The following CHSY3 variants were observed in gnomAD, a reference collection of about 807,000 sequenced individuals.
The protein encoded by CHSY3 is N-acetylgalactosaminyl-proteoglycan 3-beta-glucuronosyltransferase 3.
Under a neutral mutation model 67.2 loss-of-function variants are expected in CHSY3, and 35 were observed. The observed-to-expected ratio is 0.52, with a 90% CI of 0.40 to 0.69. The LOEUF (loss-of-function observed/expected upper bound fraction) is 0.69. Ranked by LOEUF, CHSY3 falls within the 30% of genes least tolerant of loss-of-function variation. The pLI, the probability that CHSY3 is intolerant of heterozygous loss-of-function variation, is 0.00. For synonymous variants in CHSY3, 474 were observed against 434.7 expected (o/e 1.09, Z -1.12); for missense variants, 1,069 against 1,138.5 (o/e 0.94, Z 0.88).
At chr5:129,978,190 T>C (rs1376542535) in intron 2 of CHSY3, among the ~76,000 whole-genome samples, 1 of 152,216 alleles carries the variant, frequency 6.6e-6, no homozygotes, top group Non-Finnish European at 1.5e-5. Context: ...GTTGGCATTT[T>C]GGTTATATTT....
chr5:130,062,504 A>G (rs193181817), intron 2 of CHSY3, among the ~76,000 whole-genome samples: 71 of 152,272 alleles, frequency 4.7e-4, no homozygotes, highest in African/African-American at 1.6e-3. Context: ...TCAGTACGCA[A>G]TATACGCATG....
At chr5:130,027,061 T>C (rs1764567412) in intron 2 of CHSY3, among the ~76,000 whole-genome samples, 1 of 152,092 alleles carries the variant, frequency 6.6e-6, no homozygotes, top group African/African-American at 2.4e-5. Context: ...GAACACTGAC[T>C]AAATTTGTGC....
chr5:130,103,377 A>G (rs1767309691), intron 2 of CHSY3, among the ~76,000 whole-genome samples: 3 of 152,096 alleles, frequency 2.0e-5, no homozygotes, highest in Non-Finnish European at 4.4e-5. Flanking sequence ...CTTCTGTGGC[A>G]TTGTACCACA....
intron 2 of CHSY3, among the ~76,000 whole-genome samples, chr5:130,082,535 A>G (rs1766476996): frequency 6.6e-6 from 1 of 152,024 alleles, no homozygotes. Flanking sequence ...TTCCTCTTAT[A>G]TTATTGCAAG....
rs150745087 is a variant in CHSY3, at chr5:129,934,838, G to A, written c.1086+26478G>A. On this transcript the variant is annotated intron_variant, in intron 2 of 2. Coordinates refer to ENST00000305031, the MANE Select transcript of CHSY3 (RefSeq NM_175856.5). ...AAAACAGGTTGCTTTATTAAAAGGC[G>A]TAGGTCTCACTGAGAGGGACTTTGC... Among the ~76,000 whole-genome samples the A allele has an allele frequency of 2.1e-3, 324 of 152,286 alleles. 3 individuals are homozygous for A. Among genetic ancestry groups the A allele is most frequent in the Middle Eastern group, 6.8e-3 (2 of 294 alleles).
chr5:130,166,206 ATTTAT>A (rs990231007), intron 2 of CHSY3, among the ~76,000 whole-genome samples: 6 of 152,132 alleles, frequency 3.9e-5, no homozygotes, highest in African/African-American at 9.6e-5. Flanking sequence ...AAAATAATTC[ATTTAT>A]TTTATTTTAT....
intron 2 of CHSY3, among the ~76,000 whole-genome samples, chr5:130,085,497 T>C (rs568078852): frequency 7.2e-5 from 11 of 152,234 alleles, no homozygotes; most frequent in African/African-American, 2.6e-4. Context: ...GATTCTTCTC[T>C]CTTTTCTTCT....
At chr5:130,031,681 C>T (rs924860856) in intron 2 of CHSY3, among the ~76,000 whole-genome samples, 2 of 152,024 alleles carry the variant, frequency 1.3e-5, no homozygotes, top group Non-Finnish European at 1.5e-5. Context: ...TATTTGTAAG[C>T]CATGCAAGGT....
Position 129,905,020 on chromosome 5 carries a change from C to T in CHSY3, c.191C>T (p.Pro64Leu), listed in dbSNP as rs549506803. 73 of 1,563,460 alleles carry T rather than the reference C, an allele frequency of 4.7e-5. 1 individual carries two copies. The South Asian group carries it at 8.0e-4, about 17-fold the overall frequency. The change falls in exon 1 of 3, where the codon CCC (proline) becomes CTC (leucine). Residue 64 changes from proline to leucine, a missense_variant. By Grantham distance (98) the Pro-to-Leu change is moderately conservative. This residue lies in a region of CHSY3 where 309 missense variants were observed against 262.5 expected (regional missense o/e 1.18). Coordinates refer to ENST00000305031, the MANE Select transcript of CHSY3 (RefSeq NM_175856.5). Reference protein sequence around the residue: ...GPRAGAQQPLPQPQSRPRQEQ... With the variant: ...GPRAGAQQPLLQPQSRPRQEQ... ...CGCGCCGGCGCTCAGCAGCCGCTCC[C>T]CCAGCCCCAGTCCCGACCACGGCAG... is the stretch of plus-strand genomic sequence containing the variant.
chr5:130,066,437 T>C (rs1765888727), intron 2 of CHSY3, among the ~76,000 whole-genome samples: 1 of 152,100 alleles, frequency 6.6e-6, no homozygotes, highest in South Asian at 2.1e-4. Flanking sequence ...AGTAGCAGGA[T>C]GGAATTTGAA....
At chr5:130,037,670 T>C (rs1764897570) in intron 2 of CHSY3, among the ~76,000 whole-genome samples, 1 of 152,046 alleles carries the variant, frequency 6.6e-6, no homozygotes, top group Admixed American at 6.6e-5. Flanking sequence ...ACTATGTTTT[T>C]AGAATTTTTA....
At chr5:129,954,803 G>A (rs1172284067) in intron 2 of CHSY3, among the ~76,000 whole-genome samples, 1 of 152,098 alleles carries the variant, frequency 6.6e-6, no homozygotes. Context: ...GTATAGGAAT[G>A]CTTGTGATTT....
intron 2 of CHSY3, among the ~76,000 whole-genome samples, chr5:130,148,650 T>C (rs1003367904): frequency 6.6e-6 from 1 of 152,202 alleles, no homozygotes; most frequent in East Asian, 1.9e-4. Context: ...TGATCAGTGA[T>C]GTTGTTGAGC....
intron 2 of CHSY3, among the ~76,000 whole-genome samples, chr5:129,933,349 G>A (rs1761379550): frequency 6.6e-6 from 1 of 152,118 alleles, no homozygotes; most frequent in African/African-American, 2.4e-5. Context: ...GGCTTAGTCA[G>A]CATGACAGCT....
intron 2 of CHSY3, among the ~76,000 whole-genome samples, chr5:130,006,173 T>C (rs1763867076): frequency 6.6e-6 from 1 of 152,178 alleles, no homozygotes; most frequent in African/African-American, 2.4e-5. Context: ...GCATAGAACC[T>C]TGTTTCAACA....
chr5:130,113,978 T>C (rs1291542531), intron 2 of CHSY3, among the ~76,000 whole-genome samples: 1 of 152,220 alleles, frequency 6.6e-6, no homozygotes, highest in Non-Finnish European at 1.5e-5. Context: ...AAAATGATAC[T>C]ACTTTTCTGC....
intron 2 of CHSY3, among the ~76,000 whole-genome samples, chr5:129,918,993 G>C (rs1203532022): frequency 1.3e-5 from 2 of 148,294 alleles, no homozygotes; most frequent in African/African-American, 5.0e-5. Flanking sequence ...TGTAGTCCCA[G>C]CTACTCGGGA....
At chr5:130,037,704 C>A (rs1764898712) in intron 2 of CHSY3, among the ~76,000 whole-genome samples, 1 of 151,812 alleles carries the variant, frequency 6.6e-6, no homozygotes, top group Non-Finnish European at 1.5e-5. Context: ...AATTTATTTT[C>A]TTTTATTATT....
chr5:129,954,667 G>A (rs1026615595), intron 2 of CHSY3, among the ~76,000 whole-genome samples: 6 of 151,894 alleles, frequency 4.0e-5, no homozygotes, highest in South Asian at 2.1e-4. Flanking sequence ...TTGAGCAGTG[G>A]TTTCTGGTTC....
Sources: allele counts gnomAD v4.1 joint callset (sites outside exome capture counted in the v4.1 genomes callset), GRCh38; gene constraint gnomAD v4.1.1; regional missense constraint gnomAD v4.1.1; transcripts MANE v1.5; gene names NCBI Gene and HGNC (gene_info 2026-07-23, HGNC 2026-07-21).